The following CLCN7 variants were observed in gnomAD, a reference collection of about 807,000 sequenced individuals.
CLCN7 encodes Cl-/H+ antiporter 7.
CLCN7 carries 60 observed loss-of-function variants against 102.1 expected under a neutral mutation model. The observed-to-expected ratio is 0.59, with a 90% CI of 0.48 to 0.73. The LOEUF (loss-of-function observed/expected upper bound fraction) is 0.73, where lower values mean the gene tolerates loss of function less well. Among genes scored for constraint, CLCN7 ranks in the 30% least tolerant of loss-of-function variants. The probability of loss-of-function intolerance (pLI) is 0.00; values close to 1 mark genes in which losing one functional copy is unlikely to be tolerated. For synonymous variants in CLCN7, 560 were observed against 490.5 expected, an observed-to-expected ratio of 1.14 and a Z score of -1.87; for missense variants, 962 against 1,125.7, an observed-to-expected ratio of 0.85 and a Z score of 2.08.
chr16:1,462,516 C>T (rs986553469), intron 2 of CLCN7, among the ~76,000 whole-genome samples: 2 of 151,506 alleles, frequency 1.3e-5, no homozygotes. Context: ...GCTGGGATTA[C>T]AGGTGTGCAC....
At chr16:1,446,815 G>C in intron 24 of CLCN7, 98 bp from the exon 25 acceptor site, 2 of 1,216,724 alleles carry the variant, frequency 1.6e-6, no homozygotes, top group Middle Eastern at 1.9e-4. Context: ...ACAGGCAGGG[G>C]GCCCTGGGGG....
chr16:1,455,994 C>A, intron 10 of CLCN7, 119 bp downstream of exon 10: 1 of 1,039,984 alleles, frequency 9.6e-7, no homozygotes, highest in South Asian at 1.4e-5. Context: ...TCCAAATGCC[C>A]CGGCCGTGAC....
intron 13 of CLCN7, among the ~76,000 whole-genome samples, chr16:1,454,120 G>A (rs1178594530): frequency 6.6e-6 from 1 of 152,252 alleles, no homozygotes; most frequent in Non-Finnish European, 1.5e-5. Context: ...GTGTCCAGCA[G>A]AGCAATAAAT....
chr16:1,447,130 G>A lies in CLCN7; in HGVS notation c.2251-44C>T, dbSNP rs201062573. The A allele has an allele frequency of 3.2e-4, 492 of 1,537,288 alleles. 4 individuals are homozygous for A. The East Asian group carries it at 9.4e-3, about 29-fold the overall frequency. ...TGTCAGTGCCCGCCCACACAGCAGA[G>A]GCAGGCGGGACCCTCACCCAAGCTG... On this transcript the variant is annotated intron_variant, in intron 23 of 24. Coordinates refer to ENST00000382745, the MANE Select transcript of CLCN7 (RefSeq NM_001287.6).
chr16:1,465,181 C>G (rs887384943), intron 2 of CLCN7, 86 bp downstream of exon 2: 8 of 1,356,874 alleles, frequency 5.9e-6, no homozygotes, highest in Non-Finnish European at 8.3e-6. Context: ...CACTATCTCC[C>G]TGCCGCTCGG....
intron 9 of CLCN7, 78 bp from the exon 10 acceptor site, chr16:1,456,284 C>G: frequency 9.2e-7 from 1 of 1,087,910 alleles, no homozygotes; most frequent in Non-Finnish European, 1.4e-6. Flanking sequence ...ACTGCCAGGA[C>G]AGGGGCTGTG....
intron 1 of CLCN7, among the ~76,000 whole-genome samples, chr16:1,473,760 C>T (rs981311905): frequency 6.6e-6 from 1 of 151,934 alleles, no homozygotes; most frequent in African/African-American, 2.4e-5. Flanking sequence ...AGATTAAGAC[C>T]CATCAACAAA....
In CLCN7 at chr16:1,455,194, G is replaced by C. The variant is rs200937692; in HGVS notation, c.1038C>G (p.His346Gln). ...GGCTGGACAGGTCCCACATGTTCCC[G>C]TGGTAAATGCTCAGAACAAAATTCA... ...FTLNFVLSIY[H>Q]GNMWDLSSPG... Residue 346 changes from histidine (H) to glutamine (Q), a missense_variant, in exon 12 of 25, where the codon CAC becomes CAG. Physicochemically the swap from His to Gln is conservative, Grantham distance 24 (BLOSUM62 0). This residue lies in a region of CLCN7 where 799 missense variants were observed against 988.0 expected (regional missense o/e 0.81). Coordinates refer to ENST00000382745, the MANE Select transcript of CLCN7 (RefSeq NM_001287.6). 2.5e-6 allele frequency: 4 copies of C among 1,613,906 alleles called. No individual in the cohort carries two copies. The South Asian group carries it at 4.4e-5, about 18-fold the overall frequency.
At position 1,461,286 on chromosome 16, in the gene CLCN7, C is replaced by T. The variant is rs891921542; in HGVS notation, c.351+119G>A. On this transcript the variant is annotated intron_variant, in intron 4 of 24. Coordinates refer to ENST00000382745, the MANE Select transcript of CLCN7 (RefSeq NM_001287.6). ...CCAGACGAACCACAGGCCTCAGAGG[C>T]GGAGTCAGAGGAGGAGGGAGGAGGT... The T allele has an allele frequency of 6.2e-5, 56 of 900,894 alleles. No individual in the cohort carries two copies. The African/African-American group carries it at 7.6e-4, about 12-fold the overall frequency. 55.8% of individuals were successfully genotyped at this position (900,894 alleles called of 1,614,324 possible). A position where few individuals can be genotyped will look rare whatever the true frequency, so the allele number is the denominator to read the frequency against.
chr16:1,474,560 T>C lies in CLCN7; in HGVS notation c.141+274A>G, dbSNP rs879502417. Among the ~76,000 whole-genome samples, 41 of 152,072 alleles carry C rather than the reference T, an allele frequency of 2.7e-4. No homozygotes were observed. In the Middle Eastern group the frequency reaches 0.014, roughly 50 times the overall value. On this transcript the variant is annotated intron_variant, in intron 1 of 24. Transcript: ENST00000382745. ...TGCGCCACGGCTGCCCCGGCGCCCC[T>C]CAGCGCCCCACATTCCGCGGGGTCT...
At chr16:1,473,217 A>G (rs910976933) in intron 1 of CLCN7, among the ~76,000 whole-genome samples, 1 of 152,064 alleles carries the variant, frequency 6.6e-6, no homozygotes, top group African/African-American at 2.4e-5. Flanking sequence ...CAGCACGGAG[A>G]GCAGGAGGGC....
intron 1 of CLCN7, among the ~76,000 whole-genome samples, chr16:1,470,103 T>C (rs1031855741): frequency 1.1e-4 from 17 of 152,352 alleles, no homozygotes; most frequent in African/African-American, 3.1e-4. Context: ...GAATGGGTTG[T>C]GTAACACTAA....
chr16:1,470,419 G>T (rs1457171846), intron 1 of CLCN7, among the ~76,000 whole-genome samples: 3 of 152,200 alleles, frequency 2.0e-5, no homozygotes, highest in Admixed American at 6.5e-5. Context: ...GCAGGCCTCT[G>T]CCAGGACCAG....
At chr16:1,464,109 C>A (rs2038973377) in intron 2 of CLCN7, among the ~76,000 whole-genome samples, 1 of 152,156 alleles carries the variant, frequency 6.6e-6, no homozygotes. Flanking sequence ...ACAAAAGACA[C>A]CACTGAGAAA....
rs762332022 is a variant in CLCN7, at chr16:1,452,812, G to T, written c.1296C>A (p.Ile432=). ...AVTATVAFVL[I]YSSRDCQPLQ... ...GGGGCTGGCAATCCCGCGACGAGTA[G>T]ATCAGCACGAAGGCAACTGTGGCCG... Residue 432 remains isoleucine (I), a synonymous_variant, in exon 15 of 25, where the codon ATC becomes ATA. Transcript: ENST00000382745. The T allele has an allele frequency of 4.4e-6, 7 of 1,605,208 alleles. No homozygotes were observed. Among genetic ancestry groups the T allele is most frequent in the Non-Finnish European group, 8.5e-7 (1 of 1,176,400 alleles).
chr16:1,460,862 G>A lies in CLCN7; in HGVS notation c.438C>T (p.Ile146=), dbSNP rs752052733. 11 of 1,613,920 alleles carry A rather than the reference G, an allele frequency of 6.8e-6. No individual in the cohort carries two copies. Among genetic ancestry groups the A allele is most frequent in the Admixed American group, 3.3e-5 (2 of 60,014 alleles). The change falls in exon 5 of 25, where the codon ATC becomes ATT. Residue 146 remains isoleucine, a synonymous_variant. Transcript: ENST00000382745. ...TGAGGCCAGCCAGGTTTTCCACCAC[G>A]ATGTCAATGAAGCAGGCCACGAGGC... The part of the protein sequence containing the change: ...LTGLVACFID[I]VVENLAGLKY...
At chr16:1,472,822 A>G (rs1236440743) in intron 1 of CLCN7, 1 of 151,448 alleles carries the variant, frequency 6.6e-6, no homozygotes, top group East Asian at 1.9e-4. Flanking sequence ...GGAAAAAAAA[A>G]AAAAAAAGCA....
chr16:1,469,712 C>T lies in CLCN7; in HGVS notation c.142-4374G>A, dbSNP rs551124154. On this transcript the variant is annotated intron_variant, in intron 1 of 24. Transcript: ENST00000382745. Reference sequence around the variant, plus strand: ...AACAAAAACAAAAATAAACAAAAAACCAAAAACCAAAAACAAACATAAAAA... The same window carrying T: ...AACAAAAACAAAAATAAACAAAAAATCAAAAACCAAAAACAAACATAAAAA... 2.9e-4 allele frequency among the ~76,000 whole-genome samples: 44 copies of T among 152,198 alleles called. 1 individual carries two copies. In the East Asian group the frequency reaches 3.5e-3, roughly 12 times the overall value.
At chr16:1,469,081 C>CACCA (rs2039043865) in intron 1 of CLCN7, among the ~76,000 whole-genome samples, 1 of 151,544 alleles carries the variant, frequency 6.6e-6, no homozygotes, top group African/African-American at 2.4e-5. Flanking sequence ...TGGTGCACAC[C>CACCA]TGTAATCCCA....
Sources: allele counts gnomAD v4.1 joint callset (sites outside exome capture counted in the v4.1 genomes callset), GRCh38; gene constraint gnomAD v4.1.1; regional missense constraint gnomAD v4.1.1; transcripts MANE v1.5; gene names NCBI Gene and HGNC (gene_info 2026-07-23, HGNC 2026-07-21).